Variants in KHDRBS2 observed in about 807,000 individuals in gnomAD.
KHDRBS2 encodes the protein KH domain-containing, RNA-binding, signal transduction-associated protein 2.
KHDRBS2 carries 26 observed loss-of-function variants against 44.3 expected under a neutral mutation model. The ratio of observed to expected loss-of-function variants is 0.59; its 90% confidence interval spans 0.43 to 0.81. The LOEUF (loss-of-function observed/expected upper bound fraction) is 0.81, where lower values mean the gene tolerates loss of function less well. KHDRBS2 is among the 40% of genes least tolerant of loss of function. The pLI is 0.00. For synonymous variants in KHDRBS2, 194 were observed against 151.1 expected (o/e 1.28, Z -2.08); for missense variants, 476 against 433.1 (o/e 1.10, Z -0.88).
the KHDRBS2 span, among the ~76,000 whole-genome samples, chr6:61,546,410 C>T: frequency 6.6e-6 from 1 of 152,024 alleles, no homozygotes; most frequent in African/African-American, 2.4e-5. Flanking sequence ...TAAATCCTCA[C>T]ATAATGTCAT....
the KHDRBS2 span, among the ~76,000 whole-genome samples, chr6:61,601,175 A>G: frequency 0.8 from 121,149 of 151,794 alleles, 48,690 homozygotes; most frequent in African/African-American, 0.88. Context: ...CTTTCTCTCC[A>G]TTTCTCTACC....
At chr6:61,665,596 A>G in the KHDRBS2 span, among the ~76,000 whole-genome samples, 2 of 151,436 alleles carry the variant, frequency 1.3e-5, no homozygotes, top group African/African-American at 4.8e-5. Context: ...TATAGAAAAT[A>G]GAAAAATTAC....
At chr6:62,030,735 A>G (rs1469316948) in intron 3 of KHDRBS2, among the ~76,000 whole-genome samples, 1 of 152,132 alleles carries the variant, frequency 6.6e-6, no homozygotes, top group East Asian at 1.9e-4. Context: ...ATACATTAAA[A>G]TAATAAAAAA....
chr6:61,923,643 A>T (rs185238176), intron 4 of KHDRBS2, among the ~76,000 whole-genome samples: 38 of 152,234 alleles, frequency 2.5e-4, no homozygotes, highest in Non-Finnish European at 1.0e-4. Context: ...TGACCACAAA[A>T]ACTCAGCTAA....
chr6:61,711,100 T>C (rs1207793500), intron 7 of KHDRBS2, among the ~76,000 whole-genome samples: 2 of 151,486 alleles, frequency 1.3e-5, no homozygotes, highest in Admixed American at 1.3e-4. Flanking sequence ...ATTCAATAAA[T>C]ATTTGTTGAA....
At chr6:62,060,143 G>A (rs527516974) in intron 2 of KHDRBS2, among the ~76,000 whole-genome samples, 12 of 151,786 alleles carry the variant, frequency 7.9e-5, no homozygotes, top group East Asian at 3.9e-4. Flanking sequence ...CCCCAAGAGC[G>A]TAACAAATTT....
intron 6 of KHDRBS2, among the ~76,000 whole-genome samples, chr6:61,867,537 T>A (rs1797965394): frequency 6.6e-6 from 1 of 152,162 alleles, no homozygotes; most frequent in Non-Finnish European, 1.5e-5. Flanking sequence ...GCACTATGAC[T>A]TTTTGAGTTT....
chr6:62,274,879 T>A (rs1840665613), intron 1 of KHDRBS2, among the ~76,000 whole-genome samples: 1 of 152,080 alleles, frequency 6.6e-6, no homozygotes, highest in African/African-American at 2.4e-5. Context: ...TCTGTATTGC[T>A]TCTCTTTGAT....
At chr6:61,935,534 AC>A (rs1214941317) in intron 4 of KHDRBS2, among the ~76,000 whole-genome samples, 12 of 152,182 alleles carry the variant, frequency 7.9e-5, no homozygotes, top group African/African-American at 2.4e-4. Flanking sequence ...TATTACCCAA[AC>A]AATTACAGTC....
At chr6:61,810,780 A>C (rs1273835133) in intron 6 of KHDRBS2, among the ~76,000 whole-genome samples, 2 of 152,248 alleles carry the variant, frequency 1.3e-5, no homozygotes, top group East Asian at 3.9e-4. Context: ...AAATAAGAAT[A>C]GAGTAAAATA....
intron 2 of KHDRBS2, among the ~76,000 whole-genome samples, chr6:62,054,625 G>A (rs543584928): frequency 1.3e-5 from 2 of 152,158 alleles, no homozygotes; most frequent in East Asian, 3.9e-4. Flanking sequence ...GATGGCAATA[G>A]CATGGGCTCG....
rs536045528 is a variant in KHDRBS2 at position 62,108,655 on chromosome 6, C to T, written c.220-60661G>A. On this transcript the variant is annotated intron_variant, in intron 2 of 8. Transcript: ENST00000281156. ...ATAAAGACACATGCACACGTATGTT[C>T]ATTGCGGCACTATTCACAATAGCAA... 1.4e-3 allele frequency among the ~76,000 whole-genome samples: 213 copies of T among 152,238 alleles called. 2 individuals are homozygous for T. The highest frequency in any genetic ancestry group is 5.1e-3 in the African/African-American group (210 of 41,560).
chr6:61,809,835 G>A (rs552203519), intron 6 of KHDRBS2, among the ~76,000 whole-genome samples: 5 of 152,198 alleles, frequency 3.3e-5, no homozygotes, highest in African/African-American at 9.6e-5. Flanking sequence ...TAAATCATGC[G>A]GGAAATTCTG....
the KHDRBS2 span, among the ~76,000 whole-genome samples, chr6:61,619,601 T>G: frequency 1.3e-5 from 2 of 152,140 alleles, no homozygotes; most frequent in African/African-American, 4.8e-5. Context: ...ATTATAGGCA[T>G]GTGCCACCAC....
At chr6:61,775,168 A>G (rs572563577) in intron 6 of KHDRBS2, among the ~76,000 whole-genome samples, 16 of 152,228 alleles carry the variant, frequency 1.1e-4, no homozygotes, top group African/African-American at 3.9e-4. Context: ...ATCTATGACA[A>G]ACCCACAGCC....
intron 6 of KHDRBS2, among the ~76,000 whole-genome samples, chr6:61,760,864 T>G (rs2127572489): frequency 6.6e-6 from 1 of 152,330 alleles, no homozygotes; most frequent in Middle Eastern, 3.4e-3. Context: ...CAATGACACA[T>G]TTGGAAATGT....
chr6:61,941,021 C>T (rs1356041480), intron 4 of KHDRBS2, among the ~76,000 whole-genome samples: 2 of 152,180 alleles, frequency 1.3e-5, no homozygotes, highest in South Asian at 2.1e-4. Flanking sequence ...TCACCAGTGG[C>T]TGGGGGTTGT....
At chr6:61,839,363 A>T (rs934434093) in intron 6 of KHDRBS2, among the ~76,000 whole-genome samples, 2 of 152,014 alleles carry the variant, frequency 1.3e-5, no homozygotes, top group Non-Finnish European at 2.9e-5. Context: ...CAAGGATATG[A>T]CCAGTAGCTA....
intron 4 of KHDRBS2, among the ~76,000 whole-genome samples, chr6:61,911,196 C>T (rs866749938): frequency 1.4e-4 from 22 of 152,108 alleles, no homozygotes; most frequent in African/African-American, 3.9e-4. Context: ...TTCCTCTGGA[C>T]GTGGAAAATT....
Sources: allele counts gnomAD v4.1 joint callset (sites outside exome capture counted in the v4.1 genomes callset), GRCh38; gene constraint gnomAD v4.1.1; transcripts MANE v1.5; gene names NCBI Gene and HGNC (gene_info 2026-07-23, HGNC 2026-07-21).